Variants in ATP1A3 observed in about 807,000 individuals in gnomAD.
ATP1A3 encodes sodium/potassium-transporting ATPase subunit alpha-3.
In ATP1A3, 12 loss-of-function variants were observed where a neutral mutation model predicts 108.8. The ratio of observed to expected loss-of-function variants is 0.11; its 90% CI spans 0.07 to 0.18. ATP1A3 has a LOEUF of 0.18. ATP1A3 is among the 10% of genes least tolerant of loss of function. The pLI, the probability that ATP1A3 is intolerant of heterozygous loss-of-function variation, is 1.00. For missense variants in ATP1A3, 498 were observed against 1,387.7 expected, an observed-to-expected ratio of 0.36 and a Z score of 10.19; for synonymous variants, 539 against 564.5, an observed-to-expected ratio of 0.95 and a Z score of 0.64.
chr19:41,986,904 G>A (rs955146551), intron 4 of ATP1A3, among the ~76,000 whole-genome samples: 18 of 152,048 alleles, frequency 1.2e-4, no homozygotes, highest in African/African-American at 3.9e-4. Flanking sequence ...CACCAGGCCC[G>A]GCTATGTTTT....
intron 16 of ATP1A3, among the ~76,000 whole-genome samples, chr19:41,972,883 C>A (rs1555860261): frequency 3.0e-5 from 3 of 101,610 alleles, no homozygotes; most frequent in African/African-American, 4.6e-5. Context: ...GGCAGGCAGG[C>A]AGGGACGGAG....
chr19:41,988,270 G>A lies in ATP1A3; in HGVS notation c.153+48C>T, dbSNP rs371543105. On this transcript the variant is annotated intron_variant, in intron 3 of 22. Coordinates refer to ENST00000648268, the MANE Select transcript of ATP1A3 (RefSeq NM_152296.5). This position sits in a 1 kb window ranked among gnomAD's most constrained non-coding sequence, Gnocchi z 5.3. Reference sequence around the variant, plus strand: ...TCAGACCCAGGGGTCCTAGCCCCCAGCTCCTCCTCCCTAGTTCCCAGGGTC... The same window carrying A: ...TCAGACCCAGGGGTCCTAGCCCCCAACTCCTCCTCCCTAGTTCCCAGGGTC... The A allele has an allele frequency of 1.2e-4, 197 of 1,613,648 alleles. No homozygotes were observed. Among genetic ancestry groups the A allele is most frequent in the Admixed American group, 1.7e-4 (10 of 60,018 alleles).
In ATP1A3 at chr19:41,968,033, CAGACAGAG is replaced by C. The variant is rs1432267402; in HGVS notation, c.2820-278_2820-271del. Among the ~76,000 whole-genome samples, 217 of 79,440 alleles carry C rather than the reference CAGACAGAG, an allele frequency of 2.7e-3. No individual in the cohort carries two copies. Among genetic ancestry groups the C allele is most frequent in the South Asian group, 0.021 (60 of 2,874 alleles). The allele number at this position is 79,440 out of a possible 152,430, so 52.1% of individuals were successfully genotyped here. A position where few individuals can be genotyped will look rare whatever the true frequency, so the allele number is the denominator to read the frequency against. ...GGACAGACACAGAGACAGACAGGGA[CAGACAGAG>C]AGACAGACACAGGGACAGACACAGA... On this transcript the variant is annotated intron_variant, in intron 20 of 22. Transcript: ENST00000648268. The surrounding 1 kb of genome is among the most constrained non-coding windows in gnomAD (Gnocchi z 5.0).
At chr19:41,984,784 C>G in intron 8 of ATP1A3, 134 bp downstream of exon 8, 3 of 1,090,894 alleles carry the variant, frequency 2.8e-6, no homozygotes, top group Non-Finnish European at 3.8e-6. Flanking sequence ...CCTCCTCCCC[C>G]AGACACACGG....
At chr19:41,982,235 C>T (rs1196886130) in intron 8 of ATP1A3, 129 bp from the exon 9 acceptor site, 1 of 1,489,208 alleles carries the variant, frequency 6.7e-7, no homozygotes, top group Non-Finnish European at 9.3e-7. Flanking sequence ...AAGAATGAGG[C>T]AGCACCCAGC....
chr19:41,967,786 C>T lies in ATP1A3; in HGVS notation c.2820-23G>A, dbSNP rs2075059802. The T allele has an allele frequency of 6.2e-7, 1 of 1,610,956 alleles. No individual in the cohort carries two copies. Among genetic ancestry groups the T allele is most frequent in the East Asian group, 2.2e-5 (1 of 44,786 alleles). On this transcript the variant is annotated intron_variant, in intron 20 of 22. Transcript: ENST00000648268. The surrounding 1 kb of genome is among the most constrained non-coding windows in gnomAD (Gnocchi z 4.2). ...TTCCTGGAGGCACAGAAGGGCAGGG[C>T]TGGGCCCAGAGAGCACCCACCCTGC...
At chr19:41,971,482 C>T (rs2075109457) in intron 16 of ATP1A3, among the ~76,000 whole-genome samples, 1 of 152,132 alleles carries the variant, frequency 6.6e-6, no homozygotes, top group Non-Finnish European at 1.5e-5. Context: ...CTCATCAGAG[C>T]CAAAAGCCAG....
Position 41,985,294 on chromosome 19 carries a change from C to A in ATP1A3, c.724+12G>T. 2 of 1,614,008 alleles carry A rather than the reference C, an allele frequency of 1.2e-6. No homozygotes were observed. Among genetic ancestry groups the A allele is most frequent in the Non-Finnish European group, 1.7e-6 (2 of 1,179,868 alleles). On this transcript the variant is annotated intron_variant, in intron 7 of 22. Transcript: ENST00000648268. The surrounding 1 kb of genome is among the most constrained non-coding windows in gnomAD (Gnocchi z 8.2). ...CTGCCCCAGCTGTGTGTCTTCTCTG[C>A]ACCCGCCTCACCTTCCACACAGTTG...
At position 41,978,172 on chromosome 19, in the gene ATP1A3, C is replaced by T; in HGVS notation, c.1785G>A (p.Lys595=). ...PRAAVPDAVG[K]CRSAGIKVIM... ...ACACCTTGATGCCTGCGCTGCGACA[C>T]TTGCCCACCGCGTCAGGGACGGCTG... The change falls in exon 13 of 23, where the codon AAG becomes AAA. Residue 595 remains lysine, a synonymous_variant. Coordinates refer to ENST00000648268, the MANE Select transcript of ATP1A3 (RefSeq NM_152296.5). This position sits in a 1 kb window ranked among gnomAD's most constrained non-coding sequence, Gnocchi z 8.3. 6.2e-7 allele frequency: 1 copy of T among 1,614,228 alleles called. No individual in the cohort carries two copies. The highest frequency in any genetic ancestry group is 8.5e-7 in the Non-Finnish European group (1 of 1,180,044).
intron 4 of ATP1A3, 73 bp downstream of exon 4, chr19:41,987,863 G>T: frequency 6.4e-7 from 1 of 1,550,964 alleles, no homozygotes; most frequent in Non-Finnish European, 8.8e-7. Flanking sequence ...TTAGAGGGAT[G>T]GGAAGAAGTT....
intron 8 of ATP1A3, 101 bp from the exon 9 acceptor site, chr19:41,982,207 A>G: frequency 6.3e-7 from 1 of 1,590,654 alleles, no homozygotes; most frequent in Non-Finnish European, 8.6e-7. Flanking sequence ...GCCCCCAGAG[A>G]ATCCTGAGGG....
chr19:41,985,515 C>A lies in ATP1A3; in HGVS notation c.607-92G>T. 3.9e-6 allele frequency: 5 copies of A among 1,269,366 alleles called. No individual in the cohort carries two copies. Among genetic ancestry groups the A allele is most frequent in the Non-Finnish European group, 5.7e-6 (5 of 871,096 alleles). 78.6% of individuals were successfully genotyped at this position (1,269,366 alleles called of 1,614,324 possible). On this transcript the variant is annotated intron_variant, in intron 6 of 22. Coordinates refer to ENST00000648268, the MANE Select transcript of ATP1A3 (RefSeq NM_152296.5). The surrounding 1 kb of genome is among the most constrained non-coding windows in gnomAD (Gnocchi z 8.2). ...GGGCTTGGGGCTGAAGCCTGTGTGC[C>A]TGGAGATCACAGCTAGAAGCCTGGG...
Position 41,988,527 on chromosome 19 carries a change from G to C in ATP1A3, c.42C>G (p.Asn14Lys), listed in dbSNP as rs1247855214. The C allele has an allele frequency of 1.2e-6, 2 of 1,614,054 alleles. No homozygotes were observed. Among genetic ancestry groups the C allele is most frequent in the African/African-American group, 1.3e-5 (1 of 74,904 alleles). ...KKDDKDSPKK[N>K]KGKERRDLDD... is the part of the protein sequence containing the mutation. ...CCAGGTCCCGGCGCTCCTTGCCCTT[G>C]TTCTTCTTGGGTGAGTCCTTGTCAT... is the stretch of plus-strand genomic sequence containing the variant. Residue 14 changes from asparagine (N) to lysine (K), a missense_variant, in exon 2 of 23, where the codon AAC (asparagine) becomes AAG (lysine). Physicochemically the swap from Asn to Lys is moderately conservative, Grantham distance 94 (BLOSUM62 0). Coordinates refer to ENST00000648268, the MANE Select transcript of ATP1A3 (RefSeq NM_152296.5). This position sits in a 1 kb window ranked among gnomAD's most constrained non-coding sequence, Gnocchi z 5.3.
At position 41,968,850 on chromosome 19, in the gene ATP1A3, G is replaced by A. The variant is rs34183349; in HGVS notation, c.2754C>T (p.Val918=). ...CHTAFFVSIV[V]VQWADLIICK... ...AGATGATCAGATCGGCCCACTGGAC[G>A]ACAACGATGCTCACAAAGAAGGCCG... Residue 918 remains valine (V), a synonymous_variant, in exon 20 of 23, where the codon GTC becomes GTT. Coordinates refer to ENST00000648268, the MANE Select transcript of ATP1A3 (RefSeq NM_152296.5). The surrounding 1 kb of genome is among the most constrained non-coding windows in gnomAD (Gnocchi z 5.0). 1.5e-5 allele frequency: 25 copies of A among 1,614,150 alleles called. No individual in the cohort carries two copies. Among genetic ancestry groups the A allele is most frequent in the East Asian group, 4.5e-5 (2 of 44,880 alleles).
chr19:41,971,374 C>T (rs544306681), intron 16 of ATP1A3, among the ~76,000 whole-genome samples: 3 of 152,238 alleles, frequency 2.0e-5, no homozygotes, highest in East Asian at 1.9e-4. Context: ...CCCACCCCAC[C>T]GACCGAGTAA....
intron 8 of ATP1A3, among the ~76,000 whole-genome samples, chr19:41,983,574 AT>A (rs1487150810): frequency 3.4e-5 from 5 of 146,078 alleles, no homozygotes; most frequent in African/African-American, 1.2e-4. Context: ...ATTTTTAAAA[AT>A]AATAATAATA....
rs1198335449 is a variant in ATP1A3 at position 41,966,759 on chromosome 19, C to CA, written c.*177dup. 6.7e-7 allele frequency: 1 copy of CA among 1,499,456 alleles called. No homozygotes were observed. Among genetic ancestry groups the CA allele is most frequent in the African/African-American group, 1.6e-5 (1 of 63,154 alleles). The allele number at this position is 1,499,456 out of a possible 1,614,324, so 92.9% of individuals were successfully genotyped here. On this transcript the variant is annotated 3_prime_UTR_variant, in exon 23 of 23. Transcript: ENST00000648268. Reference sequence around the variant, plus strand: ...AAAGAGAGAGGAGAGAGGTTTGGGGCAGGGGAGAGAAGCCAGCCAGAGTGG... The same window carrying CA: ...AAAGAGAGAGGAGAGAGGTTTGGGGCAAGGGGAGAGAAGCCAGCCAGAGTGG...
Position 41,968,017 on chromosome 19 carries a change from C to A in ATP1A3, c.2820-254G>T, listed in dbSNP as rs1200253926. Among the ~76,000 whole-genome samples the A allele has an allele frequency of 9.0e-6, 1 of 111,342 alleles. No individual in the cohort carries two copies. The highest frequency in any genetic ancestry group is 1.8e-5 in the Non-Finnish European group (1 of 55,382). 73.0% of individuals were successfully genotyped at this position (111,342 alleles called of 152,430 possible). On this transcript the variant is annotated intron_variant, in intron 20 of 22. Coordinates refer to ENST00000648268, the MANE Select transcript of ATP1A3 (RefSeq NM_152296.5). This position sits in a 1 kb window ranked among gnomAD's most constrained non-coding sequence, Gnocchi z 5.0. ...ACAGACACAGAGACAGGGACAGACACAGAGACAGACAGGGACAGACAGAGA... is the reference window on the plus strand; with the variant it reads ...ACAGACACAGAGACAGGGACAGACAAAGAGACAGACAGGGACAGACAGAGA...
rs1399515541 is a variant in ATP1A3, at chr19:41,968,597, G to A, written c.2819+188C>T. Among the ~76,000 whole-genome samples the A allele has an allele frequency of 6.6e-6, 1 of 152,114 alleles. No individual in the cohort carries two copies. Reference sequence around the variant, plus strand: ...AGGCTGAGGTGGGTGGGTCACTTGAGCCCAGGAGGTCGAGGCTGCAGTGAG... The same window carrying A: ...AGGCTGAGGTGGGTGGGTCACTTGAACCCAGGAGGTCGAGGCTGCAGTGAG... On this transcript the variant is annotated intron_variant, in intron 20 of 22. Coordinates refer to ENST00000648268, the MANE Select transcript of ATP1A3 (RefSeq NM_152296.5). The surrounding 1 kb of genome is among the most constrained non-coding windows in gnomAD (Gnocchi z 5.0).
Sources: allele counts gnomAD v4.1 joint callset (sites outside exome capture counted in the v4.1 genomes callset), GRCh38; gene constraint gnomAD v4.1.1; non-coding constraint Gnocchi (gnomAD v3.1); transcripts MANE v1.5; gene names NCBI Gene and HGNC (gene_info 2026-07-23, HGNC 2026-07-21).